DCC: variants seen among roughly 807,000 people sequenced by gnomAD.
The protein encoded by DCC is netrin receptor DCC.
A neutral mutation model predicts 172.5 loss-of-function variants in DCC; 58 were observed. The observed-to-expected ratio is 0.34, with a 90% CI of 0.27 to 0.42. The LOEUF (loss-of-function observed/expected upper bound fraction) is 0.42. Ranked by LOEUF, DCC falls within the 10% of genes least tolerant of loss-of-function variation. The pLI is 1.00. For synonymous variants in DCC, 709 were observed against 644.5 expected (o/e 1.10, Z -1.52); for missense variants, 1,740 against 1,791.0 (o/e 0.97, Z 0.51).
intron 1 of DCC, among the ~76,000 whole-genome samples, chr18:52,457,795 C>T (rs768033382): frequency 4.9e-4 from 74 of 152,260 alleles, no homozygotes; most frequent in Non-Finnish European, 7.6e-4. Flanking sequence ...TGATCATATG[C>T]ACTTATTTAA....
At chr18:53,015,103 A>G (rs769259308) in intron 5 of DCC, among the ~76,000 whole-genome samples, 4 of 152,234 alleles carry the variant, frequency 2.6e-5, no homozygotes, top group Non-Finnish European at 4.4e-5. Flanking sequence ...AATTATGCTC[A>G]GATTCTAGAC....
chr18:53,188,661 A>C (rs2055322530), intron 9 of DCC, among the ~76,000 whole-genome samples: 1 of 152,158 alleles, frequency 6.6e-6, no homozygotes, highest in African/African-American at 2.4e-5. Context: ...AGTGCCACAA[A>C]CTTGGTGTCT....
At chr18:52,954,339 A>G (rs1056271121) in intron 5 of DCC, among the ~76,000 whole-genome samples, 19 of 152,130 alleles carry the variant, frequency 1.2e-4, no homozygotes, top group African/African-American at 4.6e-4. Context: ...AAATAATCAT[A>G]CTGTTTGTAA....
chr18:52,828,633 C>A (rs181548519), intron 2 of DCC, among the ~76,000 whole-genome samples: 1 of 151,938 alleles, frequency 6.6e-6, no homozygotes, highest in Non-Finnish European at 1.5e-5. Context: ...ATGGGGGCTT[C>A]GGCCAACAGA....
At chr18:52,994,532 A>C (rs1219612121) in intron 5 of DCC, among the ~76,000 whole-genome samples, 1 of 152,164 alleles carries the variant, frequency 6.6e-6, no homozygotes. Flanking sequence ...TCAGTGAGTC[A>C]GTGTGTTATG....
At chr18:53,473,781 A>G (rs1185988568) in intron 25 of DCC, among the ~76,000 whole-genome samples, 1 of 152,128 alleles carries the variant, frequency 6.6e-6, no homozygotes, top group Non-Finnish European at 1.5e-5. Context: ...TATCTCCTAA[A>G]TTATTCATAT....
intron 1 of DCC, among the ~76,000 whole-genome samples, chr18:52,736,702 C>G (rs7227020): frequency 0.041 from 6,168 of 152,168 alleles, 401 homozygotes; most frequent in African/African-American, 0.14. Context: ...TGTTATATAG[C>G]AAACAGTGAC....
chr18:53,206,313 A>G (rs1422097042), intron 10 of DCC, among the ~76,000 whole-genome samples: 1 of 92,636 alleles, frequency 1.1e-5, no homozygotes, highest in East Asian at 2.9e-4. Flanking sequence ...ACACATATAT[A>G]CATATATGTA....
chr18:52,574,735 G>T (rs1477723870), intron 1 of DCC, among the ~76,000 whole-genome samples: 1 of 152,026 alleles, frequency 6.6e-6, no homozygotes, highest in East Asian at 1.9e-4. Flanking sequence ...TTTCTTTTTG[G>T]TTATAGTCCA....
At chr18:53,032,677 G>A (rs558544413) in intron 5 of DCC, among the ~76,000 whole-genome samples, 51 of 152,146 alleles carry the variant, frequency 3.4e-4, no homozygotes, top group Admixed American at 9.8e-4. Context: ...AAATGCCCAC[G>A]TGGTAACCCC....
Position 52,953,000 on chromosome 18 carries a change from C to CAAAAAAAAAAAAAAAAA in DCC, c.985+27642_985+27658dup, listed in dbSNP as rs11315976. Among the ~76,000 whole-genome samples, 6 of 52,218 alleles carry CAAAAAAAAAAAAAAAAA rather than the reference C, an allele frequency of 1.1e-4. 1 individual carries two copies. The highest frequency in any genetic ancestry group is 3.3e-4 in the African/African-American group (4 of 12,254). 34.3% of individuals were successfully genotyped at this position (52,218 alleles called of 152,430 possible). A position where few individuals can be genotyped will look rare whatever the true frequency, so the allele number is the denominator to read the frequency against. On this transcript the variant is annotated intron_variant, in intron 5 of 28. Transcript: ENST00000442544. Reference sequence around the variant, plus strand: ...GCACCACAGTAAGACTCTCCTGTCTCAAAAAAAAAAAAAAAAAAAAAAAAA... The same window carrying CAAAAAAAAAAAAAAAAA: ...GCACCACAGTAAGACTCTCCTGTCTCAAAAAAAAAAAAAAAAAAAAAAAAAAAAAAAAAAAAAAAAAA...
intron 15 of DCC, among the ~76,000 whole-genome samples, chr18:53,345,743 A>G (rs963027511): frequency 6.6e-6 from 1 of 150,628 alleles, no homozygotes. Flanking sequence ...CACTGGATAT[A>G]GAATTCCGCA....
chr18:53,369,307 G>GC (rs1488753310), intron 15 of DCC, among the ~76,000 whole-genome samples: 2 of 151,822 alleles, frequency 1.3e-5, no homozygotes, highest in East Asian at 3.9e-4. Context: ...GCTCTAAAAG[G>GC]TGTTTTGGTT....
At chr18:52,374,083 G>C (rs1287194903) in intron 1 of DCC, among the ~76,000 whole-genome samples, 1 of 151,498 alleles carries the variant, frequency 6.6e-6, no homozygotes, top group Non-Finnish European at 1.5e-5. Context: ...TAGTAAAGAC[G>C]GGGTTTCACT....
chr18:53,388,604 A>AT (rs373442035), intron 16 of DCC, among the ~76,000 whole-genome samples: 43 of 152,270 alleles, frequency 2.8e-4, no homozygotes, highest in African/African-American at 9.9e-4. Flanking sequence ...TAAGAGTCTC[A>AT]TTTTTGCTGT....
At chr18:52,490,695 C>T (rs761387957) in intron 1 of DCC, among the ~76,000 whole-genome samples, 37 of 151,966 alleles carry the variant, frequency 2.4e-4, no homozygotes, top group Non-Finnish European at 4.9e-4. Flanking sequence ...TGGTGTATCT[C>T]CTTTGAAGAA....
At chr18:52,927,086 C>T (rs9951047) in intron 5 of DCC, among the ~76,000 whole-genome samples, 74,417 of 82,736 alleles carry the variant, frequency 0.9, 33,553 homozygotes, top group East Asian at 0.95. Flanking sequence ...TGTGTATATA[C>T]ACGTATATAC....
chr18:52,890,817 G>A (rs1017633487), intron 2 of DCC, among the ~76,000 whole-genome samples: 1 of 152,052 alleles, frequency 6.6e-6, no homozygotes, highest in Non-Finnish European at 1.5e-5. Context: ...TAAGAGAAGA[G>A]TAAAATATAT....
At chr18:52,793,960 A>C (rs1054480427) in intron 2 of DCC, among the ~76,000 whole-genome samples, 2 of 150,406 alleles carry the variant, frequency 1.3e-5, no homozygotes, top group African/African-American at 4.9e-5. Context: ...AGGAGGATTA[A>C]TTTCTCGGTT....
Sources: allele counts gnomAD v4.1 joint callset (sites outside exome capture counted in the v4.1 genomes callset), GRCh38; gene constraint gnomAD v4.1.1; transcripts MANE v1.5; gene names NCBI Gene and HGNC (gene_info 2026-07-23, HGNC 2026-07-21).